SMYD3: variants seen among roughly 807,000 people sequenced by gnomAD.
The protein encoded by SMYD3 is SET and MYND domain containing 3.
SMYD3 carries 36 observed loss-of-function variants against 57.7 expected under a neutral mutation model. That is an observed-to-expected ratio of 0.62 (90% CI 0.48 to 0.82). The LOEUF (loss-of-function observed/expected upper bound fraction) is 0.82. Ranked by LOEUF, SMYD3 falls within the 40% of genes least tolerant of loss-of-function variation. The pLI, the probability that SMYD3 is intolerant of heterozygous loss-of-function variation, is 0.00. For synonymous variants in SMYD3, 211 were observed against 195.0 expected (o/e 1.08, Z -0.68); for missense variants, 515 against 538.8 (o/e 0.96, Z 0.44).
chr1:246,364,267 T>A (rs72778122), intron 1 of SMYD3, among the ~76,000 whole-genome samples: 23,465 of 146,852 alleles, frequency 0.16, 2,091 homozygotes, highest in East Asian at 0.3. Flanking sequence ...AAACAATAAA[T>A]CTGATGGTAA....
chr1:246,165,591 T>G (rs2062195270), intron 5 of SMYD3, among the ~76,000 whole-genome samples: 1 of 152,080 alleles, frequency 6.6e-6, no homozygotes, highest in South Asian at 2.1e-4. Context: ...GAAACAATCT[T>G]CCACCTTATA....
chr1:245,833,209 T>C (rs2049947045), intron 10 of SMYD3, among the ~76,000 whole-genome samples: 1 of 152,206 alleles, frequency 6.6e-6, no homozygotes, highest in African/African-American at 2.4e-5. Flanking sequence ...GTTGCTAACA[T>C]CTTACATTAC....
intron 1 of SMYD3, among the ~76,000 whole-genome samples, chr1:246,380,217 C>T (rs1025199811): frequency 3.3e-5 from 5 of 152,102 alleles, no homozygotes; most frequent in Non-Finnish European, 5.9e-5. Context: ...CTCCTATACA[C>T]ACTAGGCTAA....
At position 246,507,242 on chromosome 1, in the gene SMYD3, A is replaced by C; in HGVS notation, c.-25T>G. 1 of 1,485,894 alleles carries C rather than the reference A, an allele frequency of 6.7e-7. No homozygotes were observed. The highest frequency in any genetic ancestry group is 9.0e-7 in the Non-Finnish European group (1 of 1,112,616). The allele number at this position is 1,485,894 out of a possible 1,614,324, so 92.0% of individuals were successfully genotyped here. A position where few individuals can be genotyped will look rare whatever the true frequency, so the allele number is the denominator to read the frequency against. ...TCCTCCCGCAGCTCCGGCACCTCAG[A>C]CGGCTACCCGCGTCCAGCAGCGGGC... On this transcript the variant is annotated 5_prime_UTR_variant, in exon 1 of 12. Coordinates refer to ENST00000490107, the MANE Select transcript of SMYD3 (RefSeq NM_001167740.2).
chr1:246,173,085 A>AC (rs1158851678), intron 5 of SMYD3, among the ~76,000 whole-genome samples: 1 of 149,384 alleles, frequency 6.7e-6, no homozygotes, highest in Non-Finnish European at 1.5e-5. Context: ...CACTCACTGT[A>AC]CTCTACTGTA....
At chr1:246,500,858 C>T (rs1382693361) in intron 1 of SMYD3, among the ~76,000 whole-genome samples, 1 of 152,168 alleles carries the variant, frequency 6.6e-6, no homozygotes, top group Non-Finnish European at 1.5e-5. Flanking sequence ...AGGGCTCAGC[C>T]ATAAAGCCCT....
chr1:246,495,071 C>A (rs993013494), intron 1 of SMYD3, among the ~76,000 whole-genome samples: 1 of 152,132 alleles, frequency 6.6e-6, no homozygotes, highest in Admixed American at 6.5e-5. Flanking sequence ...TATGCTCTGC[C>A]GGGCGCGGTG....
At chr1:246,011,517 G>A (rs551939092) in intron 5 of SMYD3, among the ~76,000 whole-genome samples, 1 of 152,160 alleles carries the variant, frequency 6.6e-6, no homozygotes, top group South Asian at 2.1e-4. Context: ...ACATAAAAAG[G>A]AGGAGAATTT....
intron 5 of SMYD3, among the ~76,000 whole-genome samples, chr1:246,184,839 T>C (rs773885899): frequency 1.6e-4 from 24 of 152,184 alleles, no homozygotes; most frequent in Non-Finnish European, 2.9e-4. Context: ...AGGCTTCTAG[T>C]GTTGAGAACT....
At chr1:246,383,319 A>T (rs2066420227) in intron 1 of SMYD3, among the ~76,000 whole-genome samples, 1 of 152,226 alleles carries the variant, frequency 6.6e-6, no homozygotes, top group Non-Finnish European at 1.5e-5. Context: ...TTCAGTAAAA[A>T]GAATCTTTCT....
chr1:246,343,312 C>T (rs546163726), intron 2 of SMYD3, among the ~76,000 whole-genome samples: 4 of 152,286 alleles, frequency 2.6e-5, no homozygotes, highest in East Asian at 1.9e-4. Context: ...TAGCTGAATA[C>T]GGTAGGTGAG....
At chr1:246,461,733 C>CAAA (rs34973427) in intron 1 of SMYD3, among the ~76,000 whole-genome samples, 4 of 122,770 alleles carry the variant, frequency 3.3e-5, no homozygotes, top group Non-Finnish European at 6.6e-5. Context: ...GACTCTGTCT[C>CAAA]AAAAAAAAAA....
chr1:245,840,061 C>G (rs776097953), intron 10 of SMYD3, among the ~76,000 whole-genome samples: 7 of 151,682 alleles, frequency 4.6e-5, no homozygotes, highest in African/African-American at 7.3e-5. Context: ...GGCCCAGACA[C>G]TAGAAAAAGA....
At chr1:246,424,845 C>CT (rs1355985832) in intron 1 of SMYD3, among the ~76,000 whole-genome samples, 1 of 152,094 alleles carries the variant, frequency 6.6e-6, no homozygotes, top group Admixed American at 6.6e-5. Context: ...TTATGTTTAT[C>CT]TTATATATGC....
At chr1:246,459,231 C>G (rs1056739877) in intron 1 of SMYD3, among the ~76,000 whole-genome samples, 1 of 151,532 alleles carries the variant, frequency 6.6e-6, no homozygotes. Context: ...GACACGTCCC[C>G]CTTCACTCTC....
chr1:246,163,662 C>CT (rs1441330398), intron 5 of SMYD3, among the ~76,000 whole-genome samples: 1 of 152,164 alleles, frequency 6.6e-6, no homozygotes, highest in African/African-American at 2.4e-5. Flanking sequence ...TTTAGATACT[C>CT]TTTAAAAGAG....
At chr1:245,876,440 C>G (rs1156878241) in intron 8 of SMYD3, among the ~76,000 whole-genome samples, 2 of 152,196 alleles carry the variant, frequency 1.3e-5, no homozygotes, top group Non-Finnish European at 2.9e-5. Flanking sequence ...CCTTTGCCGC[C>G]TCAGCCATTG....
At chr1:246,064,950 G>C (rs770554321) in intron 5 of SMYD3, among the ~76,000 whole-genome samples, 10 of 152,188 alleles carry the variant, frequency 6.6e-5, no homozygotes, top group Non-Finnish European at 1.3e-4. Flanking sequence ...TTTTGGTTTC[G>C]ACTTACCTTC....
intron 5 of SMYD3, among the ~76,000 whole-genome samples, chr1:246,233,902 T>C (rs2063468153): frequency 8.4e-6 from 1 of 118,478 alleles, no homozygotes; most frequent in Non-Finnish European, 1.7e-5. Flanking sequence ...GTGATGAACA[T>C]ATACCACGCA....
Sources: gnomAD v4.1 joint callset for allele counts (sites outside exome capture counted in the v4.1 genomes callset) on GRCh38, gnomAD v4.1.1 for gene constraint, MANE v1.5 for transcripts, NCBI Gene and HGNC (gene_info 2026-07-23, HGNC 2026-07-21) for gene names.